The following SDK1 variants were observed in gnomAD, a reference collection of about 807,000 sequenced individuals.
SDK1 encodes the protein sidekick cell adhesion molecule 1, also known as protein sidekick-1.
A neutral mutation model predicts 245.5 loss-of-function variants in SDK1; 157 were observed. That is an observed-to-expected ratio of 0.64 (90% CI 0.56 to 0.73). The LOEUF is 0.73. Ranked by LOEUF, SDK1 falls within the 30% of genes least tolerant of loss-of-function variation. SDK1 has a pLI of 0.00. For synonymous variants in SDK1, 1,647 were observed against 1,278.5 expected, an observed-to-expected ratio of 1.29 and a Z score of -6.15; for missense variants, 3,583 against 3,002.3, an observed-to-expected ratio of 1.19 and a Z score of -4.52.
chr7:3,518,792 T>C (rs868449528), intron 1 of SDK1, among the ~76,000 whole-genome samples: 3 of 152,116 alleles, frequency 2.0e-5, no homozygotes, highest in African/African-American at 4.8e-5. Flanking sequence ...ATCCCACTAC[T>C]GGGCATTTAT....
chr7:3,387,268 ATAGCCCTCCTGCCT>A (rs940846188), intron 1 of SDK1, among the ~76,000 whole-genome samples: 4 of 152,066 alleles, frequency 2.6e-5, no homozygotes, highest in African/African-American at 9.7e-5. Context: ...AGCACCTTTA[ATAGCCCTCCTGCCT>A]TGGCCCTCAT....
chr7:3,647,504 G>T (rs1220166968), intron 4 of SDK1, among the ~76,000 whole-genome samples: 1 of 152,154 alleles, frequency 6.6e-6, no homozygotes, highest in Admixed American at 6.5e-5. Flanking sequence ...TCAGCTCACT[G>T]CAACCTCCAA....
intron 4 of SDK1, among the ~76,000 whole-genome samples, chr7:3,817,165 C>T (rs777938515): frequency 9.9e-5 from 15 of 152,128 alleles, no homozygotes; most frequent in Admixed American, 2.0e-4. Context: ...TGGAAGCCAA[C>T]GGATGGGTTA....
intron 4 of SDK1, among the ~76,000 whole-genome samples, chr7:3,656,859 T>G (rs897934990): frequency 2.6e-5 from 4 of 151,648 alleles, no homozygotes; most frequent in African/African-American, 4.8e-5. Flanking sequence ...ACCATTCTCC[T>G]GCCTCAGCCT....
At chr7:4,146,018 C>G (rs985492295) in intron 29 of SDK1, 102 bp downstream of exon 29, 24 of 1,014,872 alleles carry the variant, frequency 2.4e-5, no homozygotes, top group Non-Finnish European at 3.2e-5. Context: ...CTTCGGCCTT[C>G]CCTTCGGAGA....
rs1480441158 is a variant in SDK1, at chr7:4,082,242, T to G, written c.3324+2658T>G. 5.9e-5 allele frequency among the ~76,000 whole-genome samples: 9 copies of G among 152,176 alleles called. No individual in the cohort carries two copies. The East Asian group carries it at 1.5e-3, about 26-fold the overall frequency. Reference sequence around the variant, plus strand: ...TGTGAGCTTGCCTGTATGTCTTACTTCAGTGAAAACTTTGGCCAGGCGTGA... The same window carrying G: ...TGTGAGCTTGCCTGTATGTCTTACTGCAGTGAAAACTTTGGCCAGGCGTGA... On this transcript the variant is annotated intron_variant, in intron 22 of 44. Coordinates refer to ENST00000404826, the MANE Select transcript of SDK1 (RefSeq NM_152744.4).
chr7:3,595,396 G>T (rs1781021271), intron 1 of SDK1, among the ~76,000 whole-genome samples: 1 of 151,878 alleles, frequency 6.6e-6, no homozygotes, highest in African/African-American at 2.4e-5. Context: ...GATTATCTTT[G>T]ATTGCTTTTC....
At chr7:3,670,945 A>G (rs139569267) in intron 4 of SDK1, among the ~76,000 whole-genome samples, 74 of 152,314 alleles carry the variant, frequency 4.9e-4, no homozygotes, top group African/African-American at 1.8e-3. Context: ...CAGGTCGTCT[A>G]TTATTTGTTC....
chr7:3,891,963 G>A (rs1001570506), intron 5 of SDK1, among the ~76,000 whole-genome samples: 1 of 152,136 alleles, frequency 6.6e-6, no homozygotes, highest in African/African-American at 2.4e-5. Context: ...TATAACACCA[G>A]TTCACACAGG....
intron 1 of SDK1, among the ~76,000 whole-genome samples, chr7:3,389,875 T>C (rs1302363561): frequency 1.3e-5 from 2 of 152,098 alleles, no homozygotes; most frequent in East Asian, 3.8e-4. Context: ...TTGAAAAATT[T>C]TGAGGTACAT....
chr7:3,677,490 T>C (rs1283351464), intron 4 of SDK1, among the ~76,000 whole-genome samples: 2 of 152,114 alleles, frequency 1.3e-5, no homozygotes, highest in East Asian at 3.9e-4. Context: ...TGCAAGGGAA[T>C]TCCCATTTAT....
intron 1 of SDK1, among the ~76,000 whole-genome samples, chr7:3,397,704 G>A (rs545377973): frequency 6.6e-6 from 1 of 151,876 alleles, no homozygotes; most frequent in Non-Finnish European, 1.5e-5. Flanking sequence ...GTAATTTAAT[G>A]TTTCTCATCA....
chr7:3,394,357 G>C (rs891195787), intron 1 of SDK1, among the ~76,000 whole-genome samples: 2 of 152,054 alleles, frequency 1.3e-5, no homozygotes, highest in Admixed American at 1.3e-4. Flanking sequence ...ATAAATATAA[G>C]AATTTATTGC....
intron 1 of SDK1, among the ~76,000 whole-genome samples, chr7:3,599,836 A>C (rs1781197978): frequency 6.6e-6 from 1 of 152,180 alleles, no homozygotes; most frequent in Non-Finnish European, 1.5e-5. Flanking sequence ...TGTCCTTATT[A>C]CTGTAGCTAG....
chr7:3,516,797 T>C (rs1384859742), intron 1 of SDK1, among the ~76,000 whole-genome samples: 1 of 152,174 alleles, frequency 6.6e-6, no homozygotes, highest in African/African-American at 2.4e-5. Context: ...TTAAAAGAAA[T>C]GGAGACAAAA....
chr7:4,250,733 G>A (rs867453038), intron 44 of SDK1, among the ~76,000 whole-genome samples: 5 of 152,230 alleles, frequency 3.3e-5, no homozygotes, highest in Admixed American at 6.5e-5. Context: ...TGACAATTAT[G>A]TCCCTCCTAG....
At chr7:3,716,457 G>A (rs773640603) in intron 4 of SDK1, among the ~76,000 whole-genome samples, 1 of 152,212 alleles carries the variant, frequency 6.6e-6, no homozygotes, top group African/African-American at 2.4e-5. Context: ...TATCATTCAA[G>A]TATGAGGGGA....
chr7:3,692,012 C>T (rs557375360), intron 4 of SDK1, among the ~76,000 whole-genome samples: 1 of 152,196 alleles, frequency 6.6e-6, no homozygotes, highest in South Asian at 2.1e-4. Flanking sequence ...CATGAGTATT[C>T]ATTAAACTCC....
chr7:3,428,869 G>A (rs1308153492), intron 1 of SDK1, among the ~76,000 whole-genome samples: 5 of 152,178 alleles, frequency 3.3e-5, no homozygotes, highest in Non-Finnish European at 5.9e-5. Flanking sequence ...GTAGTCAAGT[G>A]GAGAAAACTG....
Sources: allele counts gnomAD v4.1 joint callset (sites outside exome capture counted in the v4.1 genomes callset), GRCh38; gene constraint gnomAD v4.1.1; transcripts MANE v1.5; gene names NCBI Gene and HGNC (gene_info 2026-07-23, HGNC 2026-07-21).